The following DMD variants were observed in gnomAD, a reference collection of about 807,000 sequenced individuals.
DMD encodes the protein dystrophin, also known as mutant dystrophin.
DMD carries 63 observed loss-of-function variants against 330.1 expected under a neutral mutation model. That is an observed-to-expected ratio of 0.19 (90% CI 0.16 to 0.24). The LOEUF (loss-of-function observed/expected upper bound fraction) is 0.24, where lower values mean the gene tolerates loss of function less well. DMD is among the 10% of genes least tolerant of loss of function. The probability of loss-of-function intolerance (pLI) is 1.00; values close to 1 mark genes in which losing one functional copy is unlikely to be tolerated. For synonymous variants in DMD, 1,223 were observed against 959.8 expected (o/e 1.27, Z -5.07); for missense variants, 3,344 against 2,684.1 (o/e 1.25, Z -5.43).
intron 74 of DMD, among the ~76,000 whole-genome samples, chrX:31,156,718 A>C (rs926571551): frequency 8.9e-6 from 1 of 111,943 alleles, no homozygotes; most frequent in Non-Finnish European, 1.9e-5. Flanking sequence ...TTCTTTCTCT[A>C]TATATTATTT....
intron 63 of DMD, among the ~76,000 whole-genome samples, chrX:31,245,691 G>A (rs1212077049): frequency 9.0e-6 from 1 of 111,168 alleles, no homozygotes; most frequent in East Asian, 2.8e-4. Context: ...ATGGTGAATC[G>A]TGATCAGTAA....
chrX:32,764,957 GTTTT>G (rs35691071), intron 7 of DMD, among the ~76,000 whole-genome samples: 1,130 of 91,880 alleles, frequency 0.012, 15 homozygotes, highest in African/African-American at 0.039. Flanking sequence ...TATTTTCTGG[GTTTT>G]TTTTTTTTTT....
chrX:31,703,936 A>G (rs964747517), intron 52 of DMD, among the ~76,000 whole-genome samples: 1 of 111,840 alleles, frequency 8.9e-6, no homozygotes, highest in African/African-American at 3.2e-5. Flanking sequence ...ATGCTGGTAG[A>G]AAAACCAAAA....
chrX:33,329,703 T>C (rs2054141703), intron 1 of DMD, among the ~76,000 whole-genome samples: 2 of 111,473 alleles, frequency 1.8e-5, no homozygotes, highest in African/African-American at 6.5e-5. Context: ...TCAGGAACTG[T>C]CTGTCCTAAT....
At chrX:31,468,781 T>C (rs1246547577) in intron 59 of DMD, among the ~76,000 whole-genome samples, 1 of 111,551 alleles carries the variant, frequency 9.0e-6, no homozygotes, top group African/African-American at 3.3e-5. Context: ...TCTCCCACTA[T>C]TATTGTATGG....
chrX:32,696,184 G>A (rs115529201), intron 9 of DMD, among the ~76,000 whole-genome samples: 1,852 of 111,791 alleles, frequency 0.017, 45 homozygotes, highest in African/African-American at 0.057. Context: ...GATCCAGCCT[G>A]TCTTGAGTTC....
At chrX:32,082,923 T>A (rs1248294164) in intron 44 of DMD, among the ~76,000 whole-genome samples, 1 of 111,601 alleles carries the variant, frequency 9.0e-6, no homozygotes, top group Non-Finnish European at 1.9e-5. Flanking sequence ...AATAAAGGAG[T>A]TCTCCAAAGG....
At chrX:33,014,302 C>T (rs1399136080) in intron 2 of DMD, among the ~76,000 whole-genome samples, 3 of 111,619 alleles carry the variant, frequency 2.7e-5, no homozygotes, top group African/African-American at 6.5e-5. Flanking sequence ...CAAAACCTTC[C>T]GTGTTCAAGC....
chrX:32,276,833 T>A (rs2097390875), intron 43 of DMD, among the ~76,000 whole-genome samples: 1 of 110,136 alleles, frequency 9.1e-6, no homozygotes, highest in Admixed American at 9.7e-5. Flanking sequence ...GGCACAAGAA[T>A]CTCTTGAACC....
intron 1 of DMD, among the ~76,000 whole-genome samples, chrX:33,067,277 A>C (rs889779093): frequency 8.9e-6 from 1 of 112,244 alleles, no homozygotes; most frequent in African/African-American, 3.2e-5. Flanking sequence ...GAACTCAGCG[A>C]CTGCAGACAC....
intron 1 of DMD, among the ~76,000 whole-genome samples, chrX:33,033,554 C>CAAAAAAAAAAAAAAAAAAAAAAA (rs775790760): frequency 3.6e-4 from 27 of 74,496 alleles, no homozygotes; most frequent in African/African-American, 1.3e-3. Flanking sequence ...ACTAAAAATA[C>CAAAAAAAAAAAAAAAAAAAAAAA]AAAAAAAAAA....
At chrX:32,746,730 CTATT>C (rs1481189522) in intron 7 of DMD, among the ~76,000 whole-genome samples, 1 of 111,764 alleles carries the variant, frequency 8.9e-6, no homozygotes, top group Non-Finnish European at 1.9e-5. Context: ...TCTCTTCTAG[CTATT>C]TAAACATGCA....
intron 20 of DMD, among the ~76,000 whole-genome samples, chrX:32,488,441 A>T (rs1037455665): frequency 8.9e-6 from 1 of 111,757 alleles, no homozygotes; most frequent in African/African-American, 3.2e-5. Flanking sequence ...ATGCGCTCTA[A>T]TGTTATAAAA....
At chrX:31,346,737 G>A (rs760703366) in intron 61 of DMD, among the ~76,000 whole-genome samples, 10 of 109,668 alleles carry the variant, frequency 9.1e-5, no homozygotes, top group Non-Finnish European at 1.9e-4. Context: ...CAAGGCTCAC[G>A]AATGTAATCC....
intron 11 of DMD, among the ~76,000 whole-genome samples, chrX:32,643,893 C>T (rs1244097915): frequency 9.0e-6 from 1 of 111,664 alleles, no homozygotes; most frequent in African/African-American, 3.2e-5. Flanking sequence ...AGAATTTTGG[C>T]AAATCTTAAA....
At chrX:31,260,581 G>A (rs974857312) in intron 63 of DMD, among the ~76,000 whole-genome samples, 6 of 111,115 alleles carry the variant, frequency 5.4e-5, no homozygotes, top group African/African-American at 2.0e-4. Flanking sequence ...CAAAAGGGTT[G>A]TCTTGGTTTC....
At chrX:32,353,191 A>C (rs2147115573) in intron 37 of DMD, among the ~76,000 whole-genome samples, 1 of 111,317 alleles carries the variant, frequency 9.0e-6, no homozygotes, top group African/African-American at 3.2e-5. Flanking sequence ...AGATGAAAAA[A>C]ATTCATTGCT....
intron 60 of DMD, among the ~76,000 whole-genome samples, chrX:31,417,895 G>T (rs767114951): frequency 2.4e-4 from 26 of 108,949 alleles, no homozygotes; most frequent in Non-Finnish European, 4.8e-4. Context: ...CACCATGTTG[G>T]CCAGGCTGGT....
chrX:31,338,839 T>C (rs1427304011), intron 61 of DMD, among the ~76,000 whole-genome samples: 1 of 107,925 alleles, frequency 9.3e-6, no homozygotes, highest in African/African-American at 3.4e-5. Flanking sequence ...ATTTGGATCC[T>C]GAGCATCCTT....
Sources: gnomAD v4.1 joint callset for allele counts (sites outside exome capture counted in the v4.1 genomes callset) on GRCh38, gnomAD v4.1.1 for gene constraint, MANE v1.5 for transcripts, NCBI Gene and HGNC (gene_info 2026-07-23, HGNC 2026-07-21) for gene names.